The following ITGB4 variants were observed in gnomAD, a reference collection of about 807,000 sequenced individuals.
ITGB4 encodes integrin subunit beta 4.
In ITGB4, 159 loss-of-function variants were observed where a neutral mutation model predicts 207.6. The observed-to-expected ratio is 0.77, with a 90% CI of 0.67 to 0.87. The LOEUF (loss-of-function observed/expected upper bound fraction) is 0.87, where lower values mean the gene tolerates loss of function less well. ITGB4 is among the 40% of genes least tolerant of loss of function. The pLI is 0.00. For synonymous variants in ITGB4, 1,020 were observed against 1,062.7 expected, an observed-to-expected ratio of 0.96 and a Z score of 0.78; for missense variants, 2,278 against 2,546.8, an observed-to-expected ratio of 0.89 and a Z score of 2.27.
At chr17:75,751,931 G>C (rs1568379374) in intron 30 of ITGB4, 4 of 581,326 alleles carry the variant, frequency 6.9e-6, no homozygotes, top group Non-Finnish European at 6.2e-6. Context: ...GCCAACTTGA[G>C]TCCAGCCCTG....
At chr17:75,755,612 TGAGG>T in intron 34 of ITGB4, 85 bp from the exon 35 acceptor site, 2 of 1,545,484 alleles carry the variant, frequency 1.3e-6, no homozygotes, top group South Asian at 1.1e-5. Flanking sequence ...ACATGCCAGC[TGAGG>T]GAGGGAGGTC....
Position 75,732,305 on chromosome 17 carries a change from G to A in ITGB4, c.1454+66G>A. On this transcript the variant is annotated intron_variant, in intron 12 of 39. Transcript: ENST00000200181. This position sits in a 1 kb window ranked among gnomAD's most constrained non-coding sequence, Gnocchi z 5.3. ...CCCCTGATGGGAAAGCTGGGCTCCT[G>A]CAGGGGCCTGGCCCTGGGTGCACCT... 1.3e-6 allele frequency: 2 copies of A among 1,501,632 alleles called. No homozygotes were observed. The highest frequency in any genetic ancestry group is 1.4e-5 in the African/African-American group (1 of 72,908). The allele number at this position is 1,501,632 out of a possible 1,614,324, so 93.0% of individuals were successfully genotyped here.
rs550653760 is a variant in ITGB4, at chr17:75,742,107, G to A, written c.2634-234G>A. On this transcript the variant is annotated intron_variant, in intron 23 of 39. Transcript: ENST00000200181. The surrounding 1 kb of genome is among the most constrained non-coding windows in gnomAD (Gnocchi z 5.9). ...AGCCCTTGATGAGGTGGGCAGAGAA[G>A]CCCATTTCACAGAGGAGGACGCTGA... Among the ~76,000 whole-genome samples the A allele has an allele frequency of 6.6e-6, 1 of 152,370 alleles. No homozygotes were observed. Among genetic ancestry groups the A allele is most frequent in the East Asian group, 1.9e-4 (1 of 5,190 alleles).
At chr17:75,745,218 C>CA (rs2061206980) in intron 26 of ITGB4, among the ~76,000 whole-genome samples, 1 of 151,998 alleles carries the variant, frequency 6.6e-6, no homozygotes, top group Non-Finnish European at 1.5e-5. Context: ...CGTGGTGAGA[C>CA]CATGTCTATA....
chr17:75,744,789 T>C (rs976704388), intron 26 of ITGB4, among the ~76,000 whole-genome samples: 2 of 152,002 alleles, frequency 1.3e-5, no homozygotes, highest in Non-Finnish European at 2.9e-5. Flanking sequence ...TGTGTGGGGA[T>C]TTTTTGCTTC....
At position 75,722,413 on chromosome 17, in the gene ITGB4, C is replaced by A. The variant is rs1263256843; in HGVS notation, c.-11+801C>A. On this transcript the variant is annotated intron_variant, in intron 1 of 39. Coordinates refer to ENST00000200181, the MANE Select transcript of ITGB4 (RefSeq NM_000213.5). The surrounding 1 kb of genome is among the most constrained non-coding windows in gnomAD (Gnocchi z 6.2). Reference sequence around the variant, plus strand: ...CCTTGCCACACCCTGAGGACAAGGACCAGGCACAGGTGGCATGGTTGTTGC... The same window carrying A: ...CCTTGCCACACCCTGAGGACAAGGAACAGGCACAGGTGGCATGGTTGTTGC... Among the ~76,000 whole-genome samples, 1 of 152,170 alleles carries A rather than the reference C, an allele frequency of 6.6e-6. No homozygotes were observed. The highest frequency in any genetic ancestry group is 3.2e-3 in the Middle Eastern group (1 of 316).
chr17:75,733,706 C>T lies in ITGB4; in HGVS notation c.1657+14C>T, dbSNP rs1352336700. The T allele has an allele frequency of 6.2e-7, 1 of 1,613,152 alleles. No individual in the cohort carries two copies. The highest frequency in any genetic ancestry group is 2.2e-5 in the East Asian group (1 of 44,890). ...TCCTCTGCAATGGTGAGCACAACAA[C>T]TGCGGCCAATGCTGATGGCGGGGTA... On this transcript the variant is annotated intron_variant, in intron 13 of 39. Coordinates refer to ENST00000200181, the MANE Select transcript of ITGB4 (RefSeq NM_000213.5).
rs1362543912 is a variant in ITGB4, at chr17:75,756,369, G to A, written c.4709-60G>A. The A allele has an allele frequency of 3.8e-6, 6 of 1,586,880 alleles. No homozygotes were observed. The East Asian group carries it at 1.3e-4, about 36-fold the overall frequency. ...TCGATGGCAGCTTAGGGACGAGGAG[G>A]ATCAGGCCAGGGGTGGGAGTAACAC... On this transcript the variant is annotated intron_variant, in intron 35 of 39. Transcript: ENST00000200181.
Position 75,739,980 on chromosome 17 carries a change from G to A in ITGB4, c.2355G>A (p.Lys785=), listed in dbSNP as rs1432394875. Residue 785 remains lysine (K), a synonymous_variant, in exon 20 of 40, where the codon AAG becomes AAA. Coordinates refer to ENST00000200181, the MANE Select transcript of ITGB4 (RefSeq NM_000213.5). This position sits in a 1 kb window ranked among gnomAD's most constrained non-coding sequence, Gnocchi z 5.4. ...CCATGCTGCGCAGCGGGAACCTCAA[G>A]GGCCGTGACGTGGTCCGCTGGAAGG... ...DTPMLRSGNL[K]GRDVVRWKVT... 1 of 1,613,258 alleles carries A rather than the reference G, an allele frequency of 6.2e-7. No homozygotes were observed. Among genetic ancestry groups the A allele is most frequent in the Non-Finnish European group, 8.5e-7 (1 of 1,180,042 alleles).
intron 6 of ITGB4, 146 bp downstream of exon 6, chr17:75,728,619 C>A (rs1409733259): frequency 2.9e-6 from 2 of 695,090 alleles, no homozygotes; most frequent in African/African-American, 3.5e-5. Context: ...GAGACCAGGG[C>A]GGGCAGATCA....
rs759557274 is a variant in ITGB4 at position 75,742,533 on chromosome 17, C to G, written c.2782+44C>G. The G allele has an allele frequency of 6.2e-7, 1 of 1,613,474 alleles. No individual in the cohort carries two copies. Among genetic ancestry groups the G allele is most frequent in the Admixed American group, 1.7e-5 (1 of 59,994 alleles). On this transcript the variant is annotated intron_variant, in intron 24 of 39. Coordinates refer to ENST00000200181, the MANE Select transcript of ITGB4 (RefSeq NM_000213.5). This position sits in a 1 kb window ranked among gnomAD's most constrained non-coding sequence, Gnocchi z 5.9. ...TGTGCCACTGCCTCGCACCTCCCGC[C>G]TGTGTGGCCCTGTGACCCACCTCTG...
intron 8 of ITGB4, 75 bp from the exon 9 acceptor site, chr17:75,730,800 C>G: frequency 1.4e-6 from 2 of 1,381,076 alleles, no homozygotes; most frequent in Non-Finnish European, 2.0e-6. Context: ...TCCCCATCCT[C>G]AAAGTGGGAA....
At chr17:75,743,994 C>A in intron 26 of ITGB4, 133 bp downstream of exon 26, 1 of 1,005,550 alleles carries the variant, frequency 9.9e-7, no homozygotes, top group Non-Finnish European at 1.4e-6. Context: ...GCTGGCCTCC[C>A]AAGGACACGT....
chr17:75,740,440 G>A lies in ITGB4; in HGVS notation c.2529G>A (p.Leu843=), dbSNP rs1158276538. Residue 843 remains leucine (L), a synonymous_variant, in exon 21 of 40, where the codon CTG becomes CTA. Coordinates refer to ENST00000200181, the MANE Select transcript of ITGB4 (RefSeq NM_000213.5). This position sits in a 1 kb window ranked among gnomAD's most constrained non-coding sequence, Gnocchi z 5.9. ...LKPDTRECAQ[L]RQEVEENLNE... ...CTGACACTCGGGAGTGCGCCCAGCTGCGCCAGGAGGTGGAGGAGAACGTAA... is the reference window on the plus strand; with the variant it reads ...CTGACACTCGGGAGTGCGCCCAGCTACGCCAGGAGGTGGAGGAGAACGTAA... 1 of 1,613,744 alleles carries A rather than the reference G, an allele frequency of 6.2e-7. No individual in the cohort carries two copies. Among genetic ancestry groups the A allele is most frequent in the Admixed American group, 1.7e-5 (1 of 60,022 alleles).
In ITGB4 at chr17:75,750,760, C is replaced by T; in HGVS notation, c.3555C>T (p.Asn1185=). ...AGGTGCCCTCAGTGGAGCTCACCAA[C>T]CTGTACCCGTATTGCGACTATGAGA... The part of the protein sequence containing the change: ...DSKVPSVELT[N]LYPYCDYEMK... Residue 1185 remains asparagine, a synonymous_variant, in exon 29 of 40, where the codon AAC becomes AAT. Transcript: ENST00000200181. This position sits in a 1 kb window ranked among gnomAD's most constrained non-coding sequence, Gnocchi z 5.5. The T allele has an allele frequency of 6.2e-7, 1 of 1,613,594 alleles. No homozygotes were observed. The highest frequency in any genetic ancestry group is 8.5e-7 in the Non-Finnish European group (1 of 1,180,020).
chr17:75,743,426 T>A lies in ITGB4; in HGVS notation c.2963-287T>A, dbSNP rs28664030. ...TTTTCTATCTTTAGTAGAGATGGGG[T>A]TTCGCCATGTTGGCCAGGCTGGTCT... On this transcript the variant is annotated intron_variant, in intron 25 of 39. Transcript: ENST00000200181. 1.1e-4 allele frequency among the ~76,000 whole-genome samples: 17 copies of A among 152,206 alleles called. 1 individual carries two copies. The highest frequency in any genetic ancestry group is 3.1e-4 in the African/African-American group (13 of 41,540).
At chr17:75,754,411 G>A (rs2143470669) in intron 33 of ITGB4, 165 bp from the exon 34 acceptor site, 1 of 804,872 alleles carries the variant, frequency 1.2e-6, no homozygotes, top group Non-Finnish European at 2.0e-6. Context: ...TTGGGCTCCT[G>A]CAGGGACAGA....
Position 75,757,113 on chromosome 17 carries a change from C to A in ITGB4, c.5218+6C>A. ...CATAGAGTCCCAGGATGGAGGTAGG[C>A]ACCTGTCCTTTCCTTCACCCCCACC... On this transcript the variant is annotated splice_donor_region_variant and intron_variant, in intron 38 of 39. Coordinates refer to ENST00000200181, the MANE Select transcript of ITGB4 (RefSeq NM_000213.5). 1 of 1,612,962 alleles carries A rather than the reference C, an allele frequency of 6.2e-7. No individual in the cohort carries two copies.
intron 7 of ITGB4, 46 bp from the exon 8 acceptor site, chr17:75,730,195 A>G (rs934592160): frequency 6.2e-7 from 1 of 1,610,050 alleles, no homozygotes; most frequent in East Asian, 2.2e-5. Flanking sequence ...GATGCGTGTC[A>G]GCAGGCAGCC....
Sources: allele counts gnomAD v4.1 joint callset (sites outside exome capture counted in the v4.1 genomes callset), GRCh38; gene constraint gnomAD v4.1.1; non-coding constraint Gnocchi (gnomAD v3.1); transcripts MANE v1.5; gene names NCBI Gene and HGNC (gene_info 2026-07-23, HGNC 2026-07-21).